NKAIN2: variants seen among roughly 807,000 people sequenced by gnomAD.
The protein encoded by NKAIN2 is sodium/potassium transporting ATPase interacting 2.
In NKAIN2, 14 loss-of-function variants were observed where a neutral mutation model predicts 32.6. The observed-to-expected ratio is 0.43, with a 90% CI of 0.28 to 0.67. The LOEUF is 0.67. Among genes scored for constraint, NKAIN2 ranks in the 30% least tolerant of loss-of-function variants. The pLI, the probability that NKAIN2 is intolerant of heterozygous loss-of-function variation, is 0.17. For synonymous variants in NKAIN2, 80 were observed against 87.2 expected (o/e 0.92, Z 0.46); for missense variants, 198 against 258.3 (o/e 0.77, Z 1.60).
At chr6:123,945,301 A>AAGAAATGT (rs1476262176) in intron 1 of NKAIN2, among the ~76,000 whole-genome samples, 1 of 152,140 alleles carries the variant, frequency 6.6e-6, no homozygotes, top group East Asian at 1.9e-4. Flanking sequence ...TTAGAAAATG[A>AAGAAATGT]AGAAATGTCT....
At chr6:123,840,394 A>G (rs139449950) in intron 1 of NKAIN2, among the ~76,000 whole-genome samples, 159 of 152,216 alleles carry the variant, frequency 1.0e-3, no homozygotes, top group African/African-American at 3.5e-3. Context: ...TTAATCAAAG[A>G]TGATTTTTAA....
At chr6:123,977,973 T>A (rs996496073) in intron 1 of NKAIN2, among the ~76,000 whole-genome samples, 3 of 152,122 alleles carry the variant, frequency 2.0e-5, no homozygotes, top group African/African-American at 7.2e-5. Context: ...CAAAGCTAGA[T>A]GAGCATGAAG....
chr6:123,983,038 T>C (rs1418991007), intron 1 of NKAIN2, among the ~76,000 whole-genome samples: 2 of 144,726 alleles, frequency 1.4e-5, no homozygotes, highest in Non-Finnish European at 3.0e-5. Context: ...TGCTATGTGC[T>C]AGGCTGTGGG....
At chr6:124,380,141 G>C (rs992276447) in intron 3 of NKAIN2, among the ~76,000 whole-genome samples, 5 of 152,114 alleles carry the variant, frequency 3.3e-5, no homozygotes, top group Non-Finnish European at 7.4e-5. Context: ...AGCCACCGCA[G>C]CCACACTGCG....
intron 1 of NKAIN2, among the ~76,000 whole-genome samples, chr6:124,225,683 CTT>C (rs1024518296): frequency 2.7e-4 from 41 of 151,860 alleles, no homozygotes; most frequent in Middle Eastern, 3.4e-3. Context: ...ATGAGAAACA[CTT>C]ATTTTTATTG....
intron 3 of NKAIN2, among the ~76,000 whole-genome samples, chr6:124,539,567 C>G (rs1279846445): frequency 6.6e-6 from 1 of 151,908 alleles, no homozygotes; most frequent in African/African-American, 2.4e-5. Flanking sequence ...AAATAAAAAC[C>G]TCGTTAAAAA....
chr6:124,706,132 T>C (rs1562334644), intron 4 of NKAIN2, among the ~76,000 whole-genome samples: 1 of 152,144 alleles, frequency 6.6e-6, no homozygotes, highest in African/African-American at 2.4e-5. Context: ...TCTGTTCCAG[T>C]ACCTAGTACC....
chr6:124,508,416 C>T (rs1169244324), intron 3 of NKAIN2, among the ~76,000 whole-genome samples: 1 of 151,554 alleles, frequency 6.6e-6, no homozygotes, highest in Admixed American at 6.6e-5. Context: ...TTGATCTCGG[C>T]TCGCTGCAAG....
intron 3 of NKAIN2, among the ~76,000 whole-genome samples, chr6:124,459,674 T>C (rs757303319): frequency 6.6e-6 from 1 of 151,900 alleles, no homozygotes; most frequent in Non-Finnish European, 1.5e-5. Flanking sequence ...CCTTAACATT[T>C]ATTTTCCCTA....
intron 4 of NKAIN2, among the ~76,000 whole-genome samples, chr6:124,758,747 T>C (rs771729960): frequency 1.2e-4 from 18 of 152,170 alleles, no homozygotes; most frequent in Non-Finnish European, 2.9e-5. Context: ...GGTTCCTCAT[T>C]GTCCATTGAA....
intron 5 of NKAIN2, among the ~76,000 whole-genome samples, chr6:124,794,530 C>T (rs1035994319): frequency 1.2e-4 from 19 of 152,098 alleles, no homozygotes; most frequent in Non-Finnish European, 2.2e-4. Context: ...CTTTATTAAT[C>T]CAAAACACAA....
At chr6:123,828,995 A>G (rs1453355042) in intron 1 of NKAIN2, 1 of 152,206 alleles carries the variant, frequency 6.6e-6, no homozygotes, top group Non-Finnish European at 1.5e-5. Flanking sequence ...TAGGTGCTCA[A>G]TAAATATTCA....
intron 1 of NKAIN2, among the ~76,000 whole-genome samples, chr6:124,227,985 C>A (rs952943126): frequency 1.3e-5 from 2 of 152,266 alleles, no homozygotes; most frequent in African/African-American, 2.4e-5. Flanking sequence ...CTGGTGAAGA[C>A]CCTCTTCCTG....
At chr6:124,392,820 G>A (rs1213128895) in intron 3 of NKAIN2, among the ~76,000 whole-genome samples, 1 of 152,116 alleles carries the variant, frequency 6.6e-6, no homozygotes. Context: ...CTTATCTCAT[G>A]TAATAAGGTC....
intron 2 of NKAIN2, among the ~76,000 whole-genome samples, chr6:124,285,424 A>G (rs554954455): frequency 4.6e-5 from 7 of 152,220 alleles, no homozygotes; most frequent in Admixed American, 2.0e-4. Flanking sequence ...CATATTTTCT[A>G]TCTTTCCAGT....
chr6:124,049,704 A>T lies in NKAIN2; in HGVS notation c.55-233301A>T, dbSNP rs115547766. ...CATTCCACTCCATCCCACCTGGAAC[A>T]TGAATCCTCCCTTTGTCCAGCATGT... On this transcript the variant is annotated intron_variant, in intron 1 of 6. Coordinates refer to ENST00000368417, the MANE Select transcript of NKAIN2 (RefSeq NM_001040214.3). Among the ~76,000 whole-genome samples, 67 of 152,170 alleles carry T rather than the reference A, an allele frequency of 4.4e-4. No homozygotes were observed. In the East Asian group the frequency reaches 4.5e-3, roughly 10 times the overall value.
At chr6:124,579,266 C>T (rs191691891) in intron 3 of NKAIN2, among the ~76,000 whole-genome samples, 2 of 152,234 alleles carry the variant, frequency 1.3e-5, no homozygotes, top group Admixed American at 1.3e-4. Context: ...AAATAAGGCA[C>T]CAGGGGCCAA....
At chr6:124,306,302 A>G (rs542515712) in intron 2 of NKAIN2, among the ~76,000 whole-genome samples, 13 of 152,288 alleles carry the variant, frequency 8.5e-5, no homozygotes, top group South Asian at 4.1e-4. Flanking sequence ...GAACACTGCA[A>G]TAGCCTTTAT....
intron 3 of NKAIN2, among the ~76,000 whole-genome samples, chr6:124,647,101 T>C (rs756722926): frequency 1.3e-5 from 2 of 151,980 alleles, no homozygotes; most frequent in Non-Finnish European, 2.9e-5. Flanking sequence ...GGTATGGATA[T>C]GTAAATATTT....
Sources: allele counts gnomAD v4.1 joint callset (sites outside exome capture counted in the v4.1 genomes callset), GRCh38; gene constraint gnomAD v4.1.1; transcripts MANE v1.5; gene names NCBI Gene and HGNC (gene_info 2026-07-23, HGNC 2026-07-21).